The following SS18L1 variants were observed in gnomAD, a reference collection of about 807,000 sequenced individuals.
The protein encoded by SS18L1 is SS18L1 subunit of BAF chromatin remodeling complex.
Under a neutral mutation model 70.3 loss-of-function variants are expected in SS18L1, and 32 were observed. The ratio of observed to expected loss-of-function variants is 0.46; its 90% confidence interval spans 0.34 to 0.61. The LOEUF is 0.61. SS18L1 is among the 20% of genes least tolerant of loss of function. The pLI, the probability that SS18L1 is intolerant of heterozygous loss-of-function variation, is 0.01. For synonymous variants in SS18L1, 237 were observed against 229.7 expected (o/e 1.03, Z -0.29); for missense variants, 430 against 542.1 (o/e 0.79, Z 2.05).
At chr20:62,155,311 G>C (rs1351875980) in intron 1 of SS18L1, among the ~76,000 whole-genome samples, 1 of 152,210 alleles carries the variant, frequency 6.6e-6, no homozygotes, top group East Asian at 1.9e-4. Context: ...TACTCGGGCG[G>C]TTGAGGTAGG....
chr20:62,170,189 C>A (rs957412862), intron 8 of SS18L1, among the ~76,000 whole-genome samples: 5 of 152,188 alleles, frequency 3.3e-5, no homozygotes, highest in African/African-American at 1.2e-4. Context: ...ACGGGCACCC[C>A]GCAGAATGCC....
intron 1 of SS18L1, among the ~76,000 whole-genome samples, chr20:62,153,402 A>G (rs1161124060): frequency 1.3e-5 from 2 of 152,158 alleles, no homozygotes; most frequent in Non-Finnish European, 2.9e-5. Context: ...GCCCTTCTCA[A>G]GGCCAAACCA....
intron 1 of SS18L1, among the ~76,000 whole-genome samples, chr20:62,144,213 C>G (rs2056978417): frequency 6.6e-6 from 1 of 151,378 alleles, no homozygotes; most frequent in Non-Finnish European, 1.5e-5. Flanking sequence ...TCCCCCGAGT[C>G]CGCGGCGCGC....
intron 1 of SS18L1, chr20:62,154,511 GC>G: frequency 2.9e-6 from 3 of 1,018,026 alleles, no homozygotes; most frequent in Non-Finnish European, 3.5e-6. Context: ...CAGGCCATCG[GC>G]CCCCCAGAGG....
chr20:62,165,474 C>T lies in SS18L1; in HGVS notation c.876C>T (p.Asp292=). 2 of 1,613,186 alleles carry T rather than the reference C, an allele frequency of 1.2e-6. No homozygotes were observed. The highest frequency in any genetic ancestry group is 1.3e-5 in the African/African-American group (1 of 75,048). ...CATCCTACACGGAGCAGAGCTACGA[C>T]CGGTCCTTCGAGGAGTCCACGCAGC... The part of the protein sequence containing the change: ...QQSSYTEQSY[D]RSFEESTQHY... Residue 292 remains aspartate (D), a synonymous_variant, in exon 8 of 11, where the codon GAC becomes GAT. Coordinates refer to ENST00000331758, the MANE Select transcript of SS18L1 (RefSeq NM_198935.3).
chr20:62,160,112 G>A (rs1291594718), intron 3 of SS18L1, 151 bp downstream of exon 3: 17 of 786,532 alleles, frequency 2.2e-5, no homozygotes, highest in South Asian at 5.2e-5. Flanking sequence ...GAGTGTGGGC[G>A]GTGGTGACCA....
rs1461344290 is a variant in SS18L1 at position 62,180,181 on chromosome 20, C to G, written c.*973C>G. Reference sequence around the variant, plus strand: ...TTATTTCTTCCAGGACCTACTTGCTCAGATCTCCAAGCAAGCATTTCTTTT... The same window carrying G: ...TTATTTCTTCCAGGACCTACTTGCTGAGATCTCCAAGCAAGCATTTCTTTT... On this transcript the variant is annotated 3_prime_UTR_variant, in exon 11 of 11. Coordinates refer to ENST00000331758, the MANE Select transcript of SS18L1 (RefSeq NM_198935.3). The G allele has an allele frequency of 4.8e-6, 1 of 207,724 alleles. No homozygotes were observed. The highest frequency in any genetic ancestry group is 9.8e-6 in the Non-Finnish European group (1 of 102,122). 12.9% of individuals were successfully genotyped at this position (207,724 alleles called of 1,614,324 possible). A position where few individuals can be genotyped will look rare whatever the true frequency, so the allele number is the denominator to read the frequency against.
rs572896679 is a variant in SS18L1, at chr20:62,160,046, A to G, written c.231+85A>G. The G allele has an allele frequency of 6.1e-5, 84 of 1,366,100 alleles. 1 individual carries two copies. The highest frequency in any genetic ancestry group is 4.6e-4 in the South Asian group (36 of 77,520). 84.6% of individuals were successfully genotyped at this position (1,366,100 alleles called of 1,614,324 possible). On this transcript the variant is annotated intron_variant, in intron 3 of 10. Transcript: ENST00000331758. Reference sequence around the variant, plus strand: ...ATCGGAATTGTGGGCATGTCATCTCAGGTAGCAAAGATGACTCAGAGAAAC... The same window carrying G: ...ATCGGAATTGTGGGCATGTCATCTCGGGTAGCAAAGATGACTCAGAGAAAC...
chr20:62,179,088 TGTC>T (rs2057669726), intron 10 of SS18L1, 91 bp from the exon 11 acceptor site: 1 of 1,390,590 alleles, frequency 7.2e-7, no homozygotes. Context: ...TGCTTGCTGT[TGTC>T]CCTCCTACCC....
In SS18L1 at chr20:62,159,172, C is replaced by T. The variant is rs773241468; in HGVS notation, c.146+424C>T. On this transcript the variant is annotated intron_variant, in intron 2 of 10. Coordinates refer to ENST00000331758, the MANE Select transcript of SS18L1 (RefSeq NM_198935.3). This position sits in a 1 kb window ranked among gnomAD's most constrained non-coding sequence, Gnocchi z 4.4. The stretch of plus-strand genomic sequence containing the variant: ...GGAGGCCTGGGCCAGCCTCTCTGGG[C>T]AGCTCTGTGGCCAACAGCCAGCGCA... Among the ~76,000 whole-genome samples, 1 of 152,212 alleles carries T rather than the reference C, an allele frequency of 6.6e-6. No homozygotes were observed. The highest frequency in any genetic ancestry group is 1.5e-5 in the Non-Finnish European group (1 of 68,028).
At chr20:62,168,003 T>TA (rs1420462122) in intron 8 of SS18L1, among the ~76,000 whole-genome samples, 2 of 135,000 alleles carry the variant, frequency 1.5e-5, no homozygotes, top group Non-Finnish European at 3.1e-5. Flanking sequence ...TTTTTTTTTT[T>TA]AATTTTTGTA....
Position 62,159,780 on chromosome 20 carries a change from G to A in SS18L1, c.147-97G>A. ...ATGTCCTCATGGGGTTTGGCTGGAT[G>A]TCAGGCTGTCTTGTTCACACTTTAC... On this transcript the variant is annotated intron_variant, in intron 2 of 10. Coordinates refer to ENST00000331758, the MANE Select transcript of SS18L1 (RefSeq NM_198935.3). The surrounding 1 kb of genome is among the most constrained non-coding windows in gnomAD (Gnocchi z 4.4). 8.3e-7 allele frequency: 1 copy of A among 1,199,752 alleles called. No homozygotes were observed. The allele number at this position is 1,199,752 out of a possible 1,614,324, so 74.3% of individuals were successfully genotyped here.
In SS18L1 at chr20:62,161,665, C is replaced by T; in HGVS notation, c.376+85C>T. The T allele has an allele frequency of 1.3e-6, 2 of 1,520,102 alleles. No individual in the cohort carries two copies. Among genetic ancestry groups the T allele is most frequent in the Non-Finnish European group, 1.8e-6 (2 of 1,129,322 alleles). 94.2% of individuals were successfully genotyped at this position (1,520,102 alleles called of 1,614,324 possible). A position where few individuals can be genotyped will look rare whatever the true frequency, so the allele number is the denominator to read the frequency against. ...GCAGCCGGCTGCCATGGTGGGGCACCCCACCCCTCACAGGGCTGGGCATGG... is the reference window on the plus strand; with the variant it reads ...GCAGCCGGCTGCCATGGTGGGGCACTCCACCCCTCACAGGGCTGGGCATGG... On this transcript the variant is annotated intron_variant, in intron 4 of 10. Coordinates refer to ENST00000331758, the MANE Select transcript of SS18L1 (RefSeq NM_198935.3). This position sits in a 1 kb window ranked among gnomAD's most constrained non-coding sequence, Gnocchi z 4.4.
rs968813171 is a variant in SS18L1 at position 62,143,949 on chromosome 20, ACGGGGCGCGGGCAGCTGGCGGGCG to A, written c.69+70_69+93del. ...GGTCTGCGGGCGGGCGCGCGCGGGG[ACGGGGCGCGGGCAGCTGGCGGGCG>A]CGGGGCGCGAACAAAGCCGGGGCGC... On this transcript the variant is annotated intron_variant, in intron 1 of 10. Coordinates refer to ENST00000331758, the MANE Select transcript of SS18L1 (RefSeq NM_198935.3). The A allele has an allele frequency of 1.3e-4, 128 of 952,196 alleles. 1 individual carries two copies. The highest frequency in any genetic ancestry group is 1.5e-4 in the Non-Finnish European group (117 of 798,902). The allele number at this position is 952,196 out of a possible 1,614,324, so 59.0% of individuals were successfully genotyped here.
At chr20:62,163,056 C>T (rs532617108) in intron 5 of SS18L1, 125 bp downstream of exon 5, 95 of 1,314,822 alleles carry the variant, frequency 7.2e-5, no homozygotes, top group African/African-American at 2.2e-4. Flanking sequence ...GGGAGGGGCC[C>T]GTGAATCGGG....
In SS18L1 at chr20:62,163,447, C is replaced by G; in HGVS notation, c.557-11C>G. Reference sequence around the variant, plus strand: ...CCCGGGGTGATGTGGGGCCTCTGTCCTGTCGTTCAGTCTCCATGATGCAGC... The same window carrying G: ...CCCGGGGTGATGTGGGGCCTCTGTCGTGTCGTTCAGTCTCCATGATGCAGC... On this transcript the variant is annotated splice_polypyrimidine_tract_variant and intron_variant, in intron 5 of 10. Transcript: ENST00000331758. 1 of 1,611,860 alleles carries G rather than the reference C, an allele frequency of 6.2e-7. No individual in the cohort carries two copies. Among genetic ancestry groups the G allele is most frequent in the South Asian group, 1.1e-5 (1 of 91,048 alleles).
Position 62,143,883 on chromosome 20 carries a change from C to T in SS18L1, c.63C>T (p.Ile21=), listed in dbSNP as rs753748572. The stretch of plus-strand genomic sequence containing the variant: ...AAGGGGAGGTTACGCAGCAAACCAT[C>T]CAGAAGGTGGGCCGGGCCGGAGCGG... ...RGKGEVTQQT[I]QKMLDENHHL... The change falls in exon 1 of 11, where the codon ATC becomes ATT. Residue 21 remains isoleucine, a synonymous_variant. Coordinates refer to ENST00000331758, the MANE Select transcript of SS18L1 (RefSeq NM_198935.3). 7 of 1,232,666 alleles carry T rather than the reference C, an allele frequency of 5.7e-6. No homozygotes were observed. The East Asian group carries it at 2.1e-4, about 36-fold the overall frequency. 76.4% of individuals were successfully genotyped at this position (1,232,666 alleles called of 1,614,324 possible). A position where few individuals can be genotyped will look rare whatever the true frequency, so the allele number is the denominator to read the frequency against.
At position 62,164,135 on chromosome 20, in the gene SS18L1, T is replaced by C. The variant is rs1408169182; in HGVS notation, c.722-10T>C. ...GGCCCGCACTGGCGCTGAATGTGGT[T>C]CCCCCGCAGGCTCTTCCCAGCAGTA... is the stretch of plus-strand genomic sequence containing the variant. On this transcript the variant is annotated splice_polypyrimidine_tract_variant and intron_variant, in intron 6 of 10. Coordinates refer to ENST00000331758, the MANE Select transcript of SS18L1 (RefSeq NM_198935.3). 4 of 1,547,454 alleles carry C rather than the reference T, an allele frequency of 2.6e-6. No homozygotes were observed. Among genetic ancestry groups the C allele is most frequent in the Non-Finnish European group, 2.6e-6 (3 of 1,144,996 alleles).
chr20:62,155,386 C>G lies in SS18L1; in HGVS notation c.70-3286C>G, dbSNP rs539498389. 6.4e-4 allele frequency among the ~76,000 whole-genome samples: 98 copies of G among 152,338 alleles called. 1 individual carries two copies. Among genetic ancestry groups the G allele is most frequent in the African/African-American group, 1.9e-3 (81 of 41,568 alleles). ...CAAGATCACGCCACTGCACTCCAGC[C>G]TGGGTGACAGAGCGAGACCCTGTCT... On this transcript the variant is annotated intron_variant, in intron 1 of 10. Transcript: ENST00000331758.
Sources: allele counts gnomAD v4.1 joint callset (sites outside exome capture counted in the v4.1 genomes callset), GRCh38; gene constraint gnomAD v4.1.1; non-coding constraint Gnocchi (gnomAD v3.1); transcripts MANE v1.5; gene names NCBI Gene and HGNC (gene_info 2026-07-23, HGNC 2026-07-21).